The following TRAK1 variants were observed in gnomAD, a reference collection of about 807,000 sequenced individuals.
The protein encoded by TRAK1 is trafficking kinesin-binding protein 1.
A neutral mutation model predicts 92.1 loss-of-function variants in TRAK1; 33 were observed. The ratio of observed to expected loss-of-function variants is 0.36; its 90% confidence interval spans 0.27 to 0.48. TRAK1 has a LOEUF of 0.48. TRAK1 is among the 20% of genes least tolerant of loss of function. TRAK1 has a pLI of 0.99. For missense variants in TRAK1, 1,123 were observed against 1,257.9 expected (o/e 0.89, Z 1.62); for synonymous variants, 521 against 517.3 (o/e 1.01, Z -0.10).
chr3:42,150,012 G>T (rs1052623041), intron 2 of TRAK1, among the ~76,000 whole-genome samples: 4 of 151,312 alleles, frequency 2.6e-5, no homozygotes, highest in African/African-American at 7.3e-5. Flanking sequence ...TGTTCAGGAG[G>T]TGGCTTCCTG....
intron 1 of TRAK1, among the ~76,000 whole-genome samples, chr3:42,030,372 A>AATATATATAT (rs1553701575): frequency 7.6e-6 from 1 of 132,316 alleles, no homozygotes; most frequent in African/African-American, 2.8e-5. Flanking sequence ...TAAAAAAAAA[A>AATATATATAT]ATATATATAT....
At chr3:42,140,329 T>G (rs1274394270) in intron 2 of TRAK1, among the ~76,000 whole-genome samples, 1 of 152,112 alleles carries the variant, frequency 6.6e-6, no homozygotes, top group Non-Finnish European at 1.5e-5. Flanking sequence ...AGCGGCAACA[T>G]TTTAAAAAAT....
intron 2 of TRAK1, among the ~76,000 whole-genome samples, chr3:42,171,590 C>G (rs906768733): frequency 6.6e-6 from 1 of 152,092 alleles, no homozygotes; most frequent in Non-Finnish European, 1.5e-5. Context: ...TTGCTCCAGC[C>G]CCACCACTCC....
intron 1 of TRAK1, among the ~76,000 whole-genome samples, chr3:42,070,203 C>A (rs762015754): frequency 1.3e-5 from 2 of 148,942 alleles, no homozygotes; most frequent in African/African-American, 5.0e-5. Context: ...GTTACCTGCA[C>A]CCTTGTCAGC....
rs1292563014 is a variant in TRAK1, at chr3:42,202,971, A to C, written c.1744+219A>C. The C allele has an allele frequency of 7.4e-7, 1 of 1,344,704 alleles. No homozygotes were observed. Among genetic ancestry groups the C allele is most frequent in the African/African-American group, 1.5e-5 (1 of 67,720 alleles). The allele number at this position is 1,344,704 out of a possible 1,614,324, so 83.3% of individuals were successfully genotyped here. A position where few individuals can be genotyped will look rare whatever the true frequency, so the allele number is the denominator to read the frequency against. ...AGGTGTGACAATGCACACATAGGCC[A>C]TGAAACTCGCCGAGGAAAGACAAGC... On this transcript the variant is annotated intron_variant, in intron 13 of 15. Transcript: ENST00000327628. The surrounding 1 kb of genome is among the most constrained non-coding windows in gnomAD (Gnocchi z 6.1).
chr3:42,105,728 A>G (rs1301963416), intron 1 of TRAK1, among the ~76,000 whole-genome samples: 1 of 152,202 alleles, frequency 6.6e-6, no homozygotes, highest in East Asian at 1.9e-4. Flanking sequence ...CAGATTCACC[A>G]AAGTTGAAAT....
At chr3:42,039,087 C>T (rs1702438671) in intron 1 of TRAK1, among the ~76,000 whole-genome samples, 1 of 152,008 alleles carries the variant, frequency 6.6e-6, no homozygotes, top group South Asian at 2.1e-4. Context: ...GTCAATCCTC[C>T]CTCCCTCCAT....
chr3:42,145,031 G>A lies in TRAK1; in HGVS notation c.286+19417G>A, dbSNP rs190628605. ...TTTTAATTATACAAGTAATACATGC[G>A]GATTGATTGGTAAAAAGTCTTGCAG... On this transcript the variant is annotated intron_variant, in intron 2 of 15. Transcript: ENST00000327628. Among the ~76,000 whole-genome samples the A allele has an allele frequency of 4.0e-3, 601 of 152,102 alleles. 5 individuals are homozygous for A. Among genetic ancestry groups the A allele is most frequent in the Non-Finnish European group, 5.9e-3 (398 of 68,014 alleles).
intron 2 of TRAK1, among the ~76,000 whole-genome samples, chr3:42,127,181 G>GA (rs1710674551): frequency 6.6e-6 from 1 of 152,074 alleles, no homozygotes; most frequent in South Asian, 2.1e-4. Context: ...TCAGACTGTA[G>GA]ACGTCTGCAA....
At chr3:42,110,065 C>G (rs541491325) in intron 1 of TRAK1, among the ~76,000 whole-genome samples, 60 of 134,122 alleles carry the variant, frequency 4.5e-4, no homozygotes, top group Non-Finnish European at 8.1e-4. Flanking sequence ...CAAACCTGCA[C>G]GTTGTGCACA....
intron 2 of TRAK1, among the ~76,000 whole-genome samples, chr3:42,148,048 T>A (rs532316977): frequency 1.6e-3 from 231 of 147,988 alleles, no homozygotes; most frequent in East Asian, 6.2e-4. Flanking sequence ...ACACACACAC[T>A]ATTATCTGTA....
intron 1 of TRAK1, among the ~76,000 whole-genome samples, chr3:42,098,588 A>G (rs1262291383): frequency 6.6e-6 from 1 of 152,184 alleles, no homozygotes; most frequent in African/African-American, 2.4e-5. Context: ...GAGAACAGAG[A>G]GCTCCAGCCA....
chr3:42,024,175 G>A (rs1701834291), intron 1 of TRAK1, among the ~76,000 whole-genome samples: 1 of 152,192 alleles, frequency 6.6e-6, no homozygotes, highest in South Asian at 2.1e-4. Flanking sequence ...TGATATCCAT[G>A]TGTAGGAGAA....
intron 10 of TRAK1, among the ~76,000 whole-genome samples, chr3:42,196,127 A>G (rs1203252447): frequency 1.3e-5 from 2 of 152,188 alleles, no homozygotes; most frequent in African/African-American, 4.8e-5. Context: ...ATATTTGCTG[A>G]GGTAAAGTTT....
At chr3:42,091,191 C>T, upstream of TRAK1, 1 of 405,944 alleles carries the variant, frequency 2.5e-6, no homozygotes, top group Admixed American at 4.8e-5. Flanking sequence ...CCTTGCTACT[C>T]CCCTTCCCCC....
intron 1 of TRAK1, among the ~76,000 whole-genome samples, chr3:42,081,270 A>T (rs1156714383): frequency 6.6e-6 from 1 of 152,234 alleles, no homozygotes; most frequent in Non-Finnish European, 1.5e-5. Flanking sequence ...TGTGGTCTGC[A>T]TACTTGGAAC....
intron 1 of TRAK1, among the ~76,000 whole-genome samples, chr3:42,039,350 G>A (rs181946657): frequency 6.6e-6 from 1 of 152,184 alleles, no homozygotes; most frequent in Non-Finnish European, 1.5e-5. Flanking sequence ...TGGATGTTTG[G>A]GTTGTTTCCA....
chr3:42,042,672 GGA>G (rs1702595215), intron 1 of TRAK1, among the ~76,000 whole-genome samples: 2 of 123,338 alleles, frequency 1.6e-5, no homozygotes, highest in South Asian at 2.1e-4. Context: ...CGCCCAGCCT[GGA>G]ACTTTTATTT....
chr3:42,021,949 AATT>A (rs1186175201), intron 1 of TRAK1, among the ~76,000 whole-genome samples: 1 of 152,128 alleles, frequency 6.6e-6, no homozygotes, highest in Non-Finnish European at 1.5e-5. Flanking sequence ...TGTTAGCCAT[AATT>A]ATTGTTTTTA....
Sources: gnomAD v4.1 joint callset for allele counts (sites outside exome capture counted in the v4.1 genomes callset) on GRCh38, gnomAD v4.1.1 for gene constraint, Gnocchi (gnomAD v3.1) non-coding constraint, MANE v1.5 for transcripts, NCBI Gene and HGNC (gene_info 2026-07-23, HGNC 2026-07-21) for gene names.